Variants in XXYLT1 observed in about 807,000 individuals in gnomAD.
XXYLT1 encodes xyloside xylosyltransferase 1, also known as UDP-xylose:alpha-xyloside alpha-1,3-xylosyltransferase.
A neutral mutation model predicts 28.9 loss-of-function variants in XXYLT1; 20 were observed. The ratio of observed to expected loss-of-function variants is 0.69; its 90% confidence interval spans 0.49 to 1.00. The LOEUF (loss-of-function observed/expected upper bound fraction) is 1.00, where lower values mean the gene tolerates loss of function less well. XXYLT1 is among the 50% of genes least tolerant of loss of function. The pLI is 0.00. For missense variants in XXYLT1, 542 were observed against 560.1 expected (o/e 0.97, Z 0.33); for synonymous variants, 257 against 253.8 (o/e 1.01, Z -0.12).
chr3:195,216,081 A>C (rs1309660266), intron 2 of XXYLT1, among the ~76,000 whole-genome samples: 4 of 152,054 alleles, frequency 2.6e-5, no homozygotes, highest in Non-Finnish European at 5.9e-5. Context: ...TACTGGGTAC[A>C]TAACGAAATG....
intron 2 of XXYLT1, among the ~76,000 whole-genome samples, chr3:195,200,165 C>T (rs950377222): frequency 1.3e-5 from 2 of 152,226 alleles, no homozygotes; most frequent in African/African-American, 2.4e-5. Context: ...TTCCAAATCT[C>T]GCGCTCTAGA....
chr3:195,175,924 G>T, intron 2 of XXYLT1: 1 of 1,397,214 alleles, frequency 7.2e-7, no homozygotes, highest in Non-Finnish European at 9.3e-7. Context: ...TGAAGTCACA[G>T]AAATTTCAGT....
At chr3:195,206,448 G>A (rs2108772419) in intron 2 of XXYLT1, among the ~76,000 whole-genome samples, 2 of 151,492 alleles carry the variant, frequency 1.3e-5, no homozygotes, top group South Asian at 4.2e-4. Flanking sequence ...TTTGCTAAAT[G>A]TAATAAAAAT....
intron 2 of XXYLT1, among the ~76,000 whole-genome samples, chr3:195,161,321 C>A (rs574095169): frequency 6.6e-6 from 1 of 152,214 alleles, no homozygotes; most frequent in Non-Finnish European, 1.5e-5. Context: ...TGAGCCACGA[C>A]ACATTTCTGA....
chr3:195,132,013 T>C (rs1054147926), intron 3 of XXYLT1, among the ~76,000 whole-genome samples: 3 of 152,154 alleles, frequency 2.0e-5, no homozygotes, highest in African/African-American at 4.8e-5. Flanking sequence ...CCAGTGAGAC[T>C]TGGGGGAGCC....
rs1388644414 is a variant in XXYLT1 at position 195,210,420 on chromosome 3, T to C, written c.652+16289A>G. 6.6e-6 allele frequency among the ~76,000 whole-genome samples: 1 copy of C among 152,114 alleles called. No individual in the cohort carries two copies. Among genetic ancestry groups the C allele is most frequent in the African/African-American group, 2.4e-5 (1 of 41,418 alleles). ...AGTGGGCAGGAGGACGGACTCCTCATGGGTGAGGCGAGGCCCAGAAAAAAG... is the reference window on the plus strand; with the variant it reads ...AGTGGGCAGGAGGACGGACTCCTCACGGGTGAGGCGAGGCCCAGAAAAAAG... On this transcript the variant is annotated intron_variant, in intron 2 of 3. Coordinates refer to ENST00000310380, the MANE Select transcript of XXYLT1 (RefSeq NM_152531.5). This position sits in a 1 kb window ranked among gnomAD's most constrained non-coding sequence, Gnocchi z 4.8.
At chr3:195,235,699 G>A (rs1724505284) in intron 1 of XXYLT1, among the ~76,000 whole-genome samples, 1 of 152,126 alleles carries the variant, frequency 6.6e-6, no homozygotes, top group African/African-American at 2.4e-5. Context: ...TGGGTGTTGT[G>A]ATCTAAGTTT....
chr3:195,218,544 GC>G (rs1252836112), intron 2 of XXYLT1, among the ~76,000 whole-genome samples: 2 of 150,984 alleles, frequency 1.3e-5, no homozygotes, highest in Non-Finnish European at 3.0e-5. Flanking sequence ...CATTTATGCA[GC>G]CAAAAAACAC....
At chr3:195,103,198 C>G (rs1441632320) in intron 3 of XXYLT1, among the ~76,000 whole-genome samples, 2 of 152,242 alleles carry the variant, frequency 1.3e-5, no homozygotes, top group Non-Finnish European at 2.9e-5. Context: ...CTGATTTGCT[C>G]CAGATAACAG....
intron 1 of XXYLT1, among the ~76,000 whole-genome samples, chr3:195,252,692 CCACA>C (rs774827660): frequency 2.6e-3 from 219 of 84,204 alleles, no homozygotes; most frequent in African/African-American, 6.9e-3. Context: ...AGAAAAAAAA[CCACA>C]CACACACACA....
intron 2 of XXYLT1, among the ~76,000 whole-genome samples, chr3:195,194,216 C>T (rs150883795): frequency 2.0e-4 from 30 of 151,110 alleles, no homozygotes; most frequent in East Asian, 7.7e-4. Flanking sequence ...AATAAGAAGA[C>T]GAACACCCCA....
chr3:195,253,452 G>A (rs1725349086), intron 1 of XXYLT1, among the ~76,000 whole-genome samples: 1 of 151,130 alleles, frequency 6.6e-6, no homozygotes, highest in African/African-American at 2.4e-5. Context: ...CCAACTCTCT[G>A]AGAGCCACAT....
At position 195,195,527 on chromosome 3, in the gene XXYLT1, C is replaced by A. The variant is rs1233385736; in HGVS notation, c.652+31182G>T. Among the ~76,000 whole-genome samples the A allele has an allele frequency of 6.6e-6, 1 of 152,202 alleles. No homozygotes were observed. Among genetic ancestry groups the A allele is most frequent in the Non-Finnish European group, 1.5e-5 (1 of 68,046 alleles). ...AGCTTTAAAAAAATAAAAGGACTCTCTTTTCTGTGTGTTCCTTTGTTCCTG... is the reference window on the plus strand; with the variant it reads ...AGCTTTAAAAAAATAAAAGGACTCTATTTTCTGTGTGTTCCTTTGTTCCTG... On this transcript the variant is annotated intron_variant, in intron 2 of 3. Coordinates refer to ENST00000310380, the MANE Select transcript of XXYLT1 (RefSeq NM_152531.5). The surrounding 1 kb of genome is among the most constrained non-coding windows in gnomAD (Gnocchi z 4.4).
intron 3 of XXYLT1, among the ~76,000 whole-genome samples, chr3:195,073,529 T>C (rs949869177): frequency 1.3e-5 from 2 of 152,154 alleles, no homozygotes; most frequent in African/African-American, 4.8e-5. Context: ...ACTATCTGGA[T>C]TGTCTAACCG....
At chr3:195,106,991 A>C (rs1717131799) in intron 3 of XXYLT1, among the ~76,000 whole-genome samples, 1 of 152,238 alleles carries the variant, frequency 6.6e-6, no homozygotes, top group Admixed American at 6.5e-5. Context: ...TAATACAATC[A>C]GAGGCTCCAC....
chr3:195,103,301 C>T (rs534610208), intron 3 of XXYLT1, among the ~76,000 whole-genome samples: 4 of 149,294 alleles, frequency 2.7e-5, no homozygotes, highest in Admixed American at 2.0e-4. Context: ...CAGGAATGCA[C>T]CCCCACACCA....
chr3:195,191,472 T>C (rs1722416169), intron 2 of XXYLT1, among the ~76,000 whole-genome samples: 1 of 152,256 alleles, frequency 6.6e-6, no homozygotes, highest in East Asian at 1.9e-4. Context: ...ACATACAGAA[T>C]ATGTGTTAAT....
At position 195,076,093 on chromosome 3, in the gene XXYLT1, C is replaced by T. The variant is rs183422253; in HGVS notation, c.786-5982G>A. Among the ~76,000 whole-genome samples the T allele has an allele frequency of 2.6e-4, 40 of 152,330 alleles. No individual in the cohort carries two copies. The highest frequency in any genetic ancestry group is 8.4e-4 in the African/African-American group (35 of 41,578). On this transcript the variant is annotated intron_variant, in intron 3 of 3. Coordinates refer to ENST00000310380, the MANE Select transcript of XXYLT1 (RefSeq NM_152531.5). This position sits in a 1 kb window ranked among gnomAD's most constrained non-coding sequence, Gnocchi z 5.3. ...GCCTCCGCCTCCTGGAGCCTCTCCC[C>T]GCACGCTGGAGGCTGCCAGGGCCCT...
intron 1 of XXYLT1, among the ~76,000 whole-genome samples, chr3:195,237,131 T>C (rs1724583134): frequency 6.6e-6 from 1 of 152,218 alleles, no homozygotes; most frequent in Non-Finnish European, 1.5e-5. Flanking sequence ...CCAAGTCCAC[T>C]GGCTCTGAGC....
Sources: gnomAD v4.1 joint callset for allele counts (sites outside exome capture counted in the v4.1 genomes callset) on GRCh38, gnomAD v4.1.1 for gene constraint, Gnocchi (gnomAD v3.1) non-coding constraint, MANE v1.5 for transcripts, NCBI Gene and HGNC (gene_info 2026-07-23, HGNC 2026-07-21) for gene names.